Variants in VPS35L observed in about 807,000 individuals in gnomAD.
VPS35L encodes VPS35 endosomal protein sorting factor like.
Under a neutral mutation model 133.0 loss-of-function variants are expected in VPS35L, and 83 were observed. The ratio of observed to expected loss-of-function variants is 0.62; its 90% CI spans 0.52 to 0.75. VPS35L has a LOEUF of 0.75. Among genes scored for constraint, VPS35L ranks in the 30% least tolerant of loss-of-function variants. VPS35L has a pLI of 0.00. For synonymous variants in VPS35L, 423 were observed against 449.9 expected (o/e 0.94, Z 0.76); for missense variants, 1,083 against 1,206.8 (o/e 0.90, Z 1.52).
chr16:19,663,115 G>A (rs1242548000), intron 26 of VPS35L, among the ~76,000 whole-genome samples: 1 of 152,060 alleles, frequency 6.6e-6, no homozygotes, highest in African/African-American at 2.4e-5. Context: ...TTCGAGATCA[G>A]CCTGACCAAC....
At chr16:19,659,412 C>G (rs1274680274) in intron 26 of VPS35L, among the ~76,000 whole-genome samples, 1 of 152,098 alleles carries the variant, frequency 6.6e-6, no homozygotes, top group Non-Finnish European at 1.5e-5. Context: ...TTATATGTCC[C>G]AAGTGGATTT....
intron 7 of VPS35L, among the ~76,000 whole-genome samples, chr16:19,588,412 A>G (rs1391455160): frequency 1.3e-5 from 2 of 150,472 alleles, no homozygotes; most frequent in Non-Finnish European, 3.0e-5. Flanking sequence ...GTCTCAATTC[A>G]AACTCCTGAC....
At chr16:19,681,074 CAG>C (rs1463059895) in intron 27 of VPS35L, among the ~76,000 whole-genome samples, 1 of 152,218 alleles carries the variant, frequency 6.6e-6, no homozygotes, top group Non-Finnish European at 1.5e-5. Flanking sequence ...AGACTCTAGT[CAG>C]AGAGAACGTG....
Position 19,610,889 on chromosome 16 carries a change from A to AG in VPS35L, c.1023+477dup, listed in dbSNP as rs1416012687. On this transcript the variant is annotated intron_variant, in intron 12 of 30. Coordinates refer to ENST00000417362, the MANE Select transcript of VPS35L (RefSeq NM_020314.7). ...AGGTGGCTGCTGTGAAAGGGGGTAG[A>AG]GGGACTGATTAGAAATTACTTGCCC... Among the ~76,000 whole-genome samples, 2 of 152,124 alleles carry AG rather than the reference A, an allele frequency of 1.3e-5. 1 individual carries two copies. The highest frequency in any genetic ancestry group is 2.9e-5 in the Non-Finnish European group (2 of 68,032).
intron 27 of VPS35L, among the ~76,000 whole-genome samples, chr16:19,677,135 G>A (rs191774530): frequency 6.6e-6 from 1 of 150,810 alleles, no homozygotes; most frequent in African/African-American, 2.4e-5. Flanking sequence ...GTGTGATCTC[G>A]GTTCACTGTA....
rs868232424 is a variant in VPS35L, at chr16:19,575,033, G to T, written c.409-65G>T. On this transcript the variant is annotated intron_variant, in intron 4 of 30. Transcript: ENST00000417362. Reference sequence around the variant, plus strand: ...TTCTCTTGGGTATGTAAATGGCTCTGTTGGAAAACAATGAACATACTGCCT... The same window carrying T: ...TTCTCTTGGGTATGTAAATGGCTCTTTTGGAAAACAATGAACATACTGCCT... The T allele has an allele frequency of 9.4e-6, 13 of 1,387,634 alleles. No individual in the cohort carries two copies. The Middle Eastern group carries it at 9.1e-4, about 97-fold the overall frequency. 86.0% of individuals were successfully genotyped at this position (1,387,634 alleles called of 1,614,324 possible).
chr16:19,601,817 G>C (rs1031877219), intron 9 of VPS35L, 94 bp downstream of exon 9: 2 of 1,334,156 alleles, frequency 1.5e-6, no homozygotes, highest in Non-Finnish European at 2.1e-6. Flanking sequence ...CTTGATAAAG[G>C]TTTTAATTTT....
At chr16:19,616,558 G>T in intron 13 of VPS35L, 128 bp from the exon 14 acceptor site, 2 of 1,201,052 alleles carry the variant, frequency 1.7e-6, no homozygotes, top group Non-Finnish European at 2.3e-6. Context: ...AAACAACCGA[G>T]AAACCAGGCT....
chr16:19,608,299 T>G, intron 10 of VPS35L, 25 bp downstream of exon 10: 1 of 1,458,300 alleles, frequency 6.9e-7, no homozygotes, highest in Non-Finnish European at 9.6e-7. Flanking sequence ...TTTTTTGGTC[T>G]GATGATTTTA....
intron 26 of VPS35L, among the ~76,000 whole-genome samples, chr16:19,657,821 G>A (rs1205824649): frequency 4.6e-5 from 7 of 152,176 alleles, no homozygotes; most frequent in South Asian, 2.1e-4. Flanking sequence ...AGGTCTTGGC[G>A]ATTTATGTTT....
chr16:19,630,647 T>G (rs760600277), intron 18 of VPS35L, among the ~76,000 whole-genome samples: 15 of 152,010 alleles, frequency 9.9e-5, no homozygotes, highest in Non-Finnish European at 2.2e-4. Context: ...CCCTAAAAAT[T>G]TAAGTGTGGC....
intron 27 of VPS35L, among the ~76,000 whole-genome samples, chr16:19,678,531 G>A (rs1343042110): frequency 2.7e-5 from 4 of 150,530 alleles, no homozygotes; most frequent in African/African-American, 7.4e-5. Flanking sequence ...AGGCTGGAGC[G>A]CAGTGGCACG....
At chr16:19,562,354 G>A (rs1019327713) in intron 1 of VPS35L, among the ~76,000 whole-genome samples, 2 of 152,140 alleles carry the variant, frequency 1.3e-5, no homozygotes, top group African/African-American at 4.8e-5. Flanking sequence ...AAACTGGGCG[G>A]TGCAAACACA....
chr16:19,656,278 AAAAG>A (rs1182926331), intron 26 of VPS35L, among the ~76,000 whole-genome samples: 3 of 145,106 alleles, frequency 2.1e-5, no homozygotes, highest in Non-Finnish European at 4.4e-5. Context: ...AAAAAAAAAA[AAAAG>A]AAAGAAAAAA....
At chr16:19,636,426 A>C (rs554462556) in intron 19 of VPS35L, among the ~76,000 whole-genome samples, 27 of 152,340 alleles carry the variant, frequency 1.8e-4, no homozygotes, top group Non-Finnish European at 3.8e-4. Flanking sequence ...ATCACAGTTT[A>C]TGTGTAGCTG....
intron 1 of VPS35L, among the ~76,000 whole-genome samples, chr16:19,556,810 G>GTTTT (rs367612131): frequency 2.1e-5 from 3 of 142,874 alleles, no homozygotes; most frequent in Non-Finnish European, 3.0e-5. Flanking sequence ...ACACCCTGAG[G>GTTTT]TTTTTTTTTT....
intron 2 of VPS35L, among the ~76,000 whole-genome samples, chr16:19,565,850 T>C (rs774603106): frequency 2.0e-5 from 3 of 152,204 alleles, no homozygotes; most frequent in African/African-American, 4.8e-5. Context: ...GTCACTCTAA[T>C]TGCCAGCAGA....
intron 7 of VPS35L, among the ~76,000 whole-genome samples, chr16:19,583,038 T>C (rs750645634): frequency 1.3e-5 from 2 of 152,114 alleles, no homozygotes; most frequent in Non-Finnish European, 2.9e-5. Context: ...TAATTTGCTA[T>C]ACGGTAAAGT....
At chr16:19,568,183 G>T (rs1249570534) in intron 2 of VPS35L, among the ~76,000 whole-genome samples, 4 of 152,110 alleles carry the variant, frequency 2.6e-5, no homozygotes, top group Non-Finnish European at 5.9e-5. Flanking sequence ...CAGATGAACA[G>T]CCAGATGAAG....
Sources: gnomAD v4.1 joint callset for allele counts (sites outside exome capture counted in the v4.1 genomes callset) on GRCh38, gnomAD v4.1.1 for gene constraint, MANE v1.5 for transcripts, NCBI Gene and HGNC (gene_info 2026-07-23, HGNC 2026-07-21) for gene names.